MAGI2: variants seen among roughly 807,000 people sequenced by gnomAD.
MAGI2 encodes the protein membrane associated guanylate kinase, WW and PDZ domain containing 2.
A neutral mutation model predicts 133.3 loss-of-function variants in MAGI2; 35 were observed. That is an observed-to-expected ratio of 0.26 (90% CI 0.20 to 0.35). The LOEUF (loss-of-function observed/expected upper bound fraction) is 0.35. MAGI2 is among the 10% of genes least tolerant of loss of function. The pLI is 1.00. For synonymous variants in MAGI2, 729 were observed against 710.6 expected (o/e 1.03, Z -0.41); for missense variants, 1,636 against 1,863.4 (o/e 0.88, Z 2.25).
At chr7:78,145,675 A>G (rs147557525) in intron 16 of MAGI2, among the ~76,000 whole-genome samples, 2,216 of 152,276 alleles carry the variant, frequency 0.015, 25 homozygotes, top group Non-Finnish European at 0.021. Context: ...CTGGCACCTT[A>G]TATTAGACTT....
chr7:78,310,194 T>C (rs926087057), intron 9 of MAGI2, among the ~76,000 whole-genome samples: 4 of 152,148 alleles, frequency 2.6e-5, no homozygotes, highest in Admixed American at 6.5e-5. Flanking sequence ...CCCAGCACTT[T>C]GAGAGGCAGA....
intron 2 of MAGI2, among the ~76,000 whole-genome samples, chr7:78,863,541 G>T (rs1794318990): frequency 1.3e-5 from 2 of 152,170 alleles, no homozygotes; most frequent in South Asian, 4.1e-4. Context: ...CTATTCATGA[G>T]GGATTTTCTC....
intron 2 of MAGI2, among the ~76,000 whole-genome samples, chr7:78,870,450 C>T (rs1794944428): frequency 6.6e-6 from 1 of 151,732 alleles, no homozygotes; most frequent in Non-Finnish European, 1.5e-5. Flanking sequence ...CAAAAAAATG[C>T]TCAACATCAC....
At chr7:78,869,703 A>G (rs1377245402) in intron 2 of MAGI2, among the ~76,000 whole-genome samples, 3 of 152,168 alleles carry the variant, frequency 2.0e-5, no homozygotes, top group East Asian at 3.9e-4. Flanking sequence ...ATCAGATCTC[A>G]TGAGAACTCA....
At chr7:78,880,343 A>G (rs1482524262) in intron 2 of MAGI2, among the ~76,000 whole-genome samples, 2 of 152,178 alleles carry the variant, frequency 1.3e-5, no homozygotes, top group Non-Finnish European at 2.9e-5. Context: ...CAGATCTTGA[A>G]CAAAGGGTAC....
At chr7:78,995,905 G>A (rs941863928) in intron 2 of MAGI2, among the ~76,000 whole-genome samples, 5 of 152,132 alleles carry the variant, frequency 3.3e-5, no homozygotes, top group Non-Finnish European at 7.3e-5. Context: ...CTGGTTAAAA[G>A]ACCTCAGAGC....
intron 1 of MAGI2, among the ~76,000 whole-genome samples, chr7:79,128,022 A>G (rs530116900): frequency 6.6e-6 from 1 of 152,282 alleles, no homozygotes; most frequent in East Asian, 1.9e-4. Context: ...ACATATGGCT[A>G]GCCAGTTTTC....
intron 2 of MAGI2, among the ~76,000 whole-genome samples, chr7:78,713,999 CT>C (rs140687855): frequency 0.28 from 41,099 of 144,462 alleles, 5,959 homozygotes; most frequent in South Asian, 0.42. Flanking sequence ...CTGCCACATT[CT>C]TTTTTTTTTC....
At chr7:78,504,644 T>C (rs891014530) in intron 4 of MAGI2, among the ~76,000 whole-genome samples, 3 of 152,076 alleles carry the variant, frequency 2.0e-5, no homozygotes, top group African/African-American at 7.2e-5. Context: ...AAAATACAAA[T>C]ACACAGACTT....
chr7:79,428,317 G>GA (rs1449560109), intron 1 of MAGI2, among the ~76,000 whole-genome samples: 4 of 152,146 alleles, frequency 2.6e-5, no homozygotes. Flanking sequence ...TGTCTTCAGA[G>GA]AAAAATAGGA....
At position 78,056,221 on chromosome 7, in the gene MAGI2, T is replaced by G. The variant is rs1038668683; in HGVS notation, c.3706+22726A>C. 2.0e-5 allele frequency among the ~76,000 whole-genome samples: 3 copies of G among 152,198 alleles called. No individual in the cohort carries two copies. In the South Asian group the frequency reaches 6.2e-4, roughly 31 times the overall value. On this transcript the variant is annotated intron_variant, in intron 21 of 21. Coordinates refer to ENST00000354212, the MANE Select transcript of MAGI2 (RefSeq NM_012301.4). The stretch of plus-strand genomic sequence containing the variant: ...TTCACTTCCCATAATGTCCTCAAGG[T>G]TCATTCATGTTGTAGCAGATGACAG...
intron 10 of MAGI2, among the ~76,000 whole-genome samples, chr7:78,248,286 T>C (rs1445051259): frequency 1.3e-5 from 2 of 152,184 alleles, no homozygotes; most frequent in African/African-American, 2.4e-5. Flanking sequence ...TGAAAGCATA[T>C]GAAAGTACAA....
intron 2 of MAGI2, among the ~76,000 whole-genome samples, chr7:78,957,668 G>A (rs1019083221): frequency 6.6e-6 from 1 of 152,028 alleles, no homozygotes; most frequent in South Asian, 2.1e-4. Context: ...TTATAATTTC[G>A]TTTTTACAGA....
intron 2 of MAGI2, among the ~76,000 whole-genome samples, chr7:78,858,030 T>C (rs1443172330): frequency 1.3e-5 from 2 of 152,232 alleles, no homozygotes; most frequent in Non-Finnish European, 2.9e-5. Context: ...ATTTTCTAGT[T>C]TATTTGCACA....
At chr7:78,945,120 G>A (rs947094808) in intron 2 of MAGI2, among the ~76,000 whole-genome samples, 3 of 152,040 alleles carry the variant, frequency 2.0e-5, no homozygotes, top group African/African-American at 7.2e-5. Flanking sequence ...GGAGTGCAGT[G>A]GTGTGATCTT....
At chr7:79,389,106 T>A (rs1479643069) in intron 1 of MAGI2, among the ~76,000 whole-genome samples, 1 of 152,010 alleles carries the variant, frequency 6.6e-6, no homozygotes, top group Non-Finnish European at 1.5e-5. Context: ...TGTTGTGGCA[T>A]AATTGTATTG....
At chr7:78,849,932 ACTTACT>A (rs1321074668) in intron 2 of MAGI2, among the ~76,000 whole-genome samples, 2 of 151,990 alleles carry the variant, frequency 1.3e-5, no homozygotes, top group African/African-American at 4.8e-5. Context: ...CTTCATCTTG[ACTTACT>A]CTTAAACTAT....
At chr7:78,100,660 C>A (rs1040658928) in intron 20 of MAGI2, among the ~76,000 whole-genome samples, 4 of 152,154 alleles carry the variant, frequency 2.6e-5, no homozygotes, top group Admixed American at 6.5e-5. Context: ...CCAAGGGCCA[C>A]CTCTTTTTAA....
chr7:79,028,260 T>G (rs375071077), intron 1 of MAGI2, among the ~76,000 whole-genome samples: 5 of 21,338 alleles, frequency 2.3e-4, no homozygotes, highest in Non-Finnish European at 4.6e-4. Context: ...TATATATATA[T>G]ATATATATGT....
Sources: gnomAD v4.1 joint callset for allele counts (sites outside exome capture counted in the v4.1 genomes callset) on GRCh38, gnomAD v4.1.1 for gene constraint, MANE v1.5 for transcripts, NCBI Gene and HGNC (gene_info 2026-07-23, HGNC 2026-07-21) for gene names.